Variants in PRTFDC1 observed in about 807,000 individuals in gnomAD.
PRTFDC1 encodes the protein phosphoribosyltransferase domain-containing protein 1.
In PRTFDC1, 38 loss-of-function variants were observed where a neutral mutation model predicts 34.6. That is an observed-to-expected ratio of 1.10 (90% CI 0.85 to 1.44). PRTFDC1 has a LOEUF of 1.44. Ranked by LOEUF, PRTFDC1 falls within the 40% of genes most tolerant of loss-of-function variation. PRTFDC1 has a pLI of 0.00. For missense variants in PRTFDC1, 270 were observed against 283.0 expected, an observed-to-expected ratio of 0.95 and a Z score of 0.33; for synonymous variants, 93 against 98.1, an observed-to-expected ratio of 0.95 and a Z score of 0.31.
intron 4 of PRTFDC1, among the ~76,000 whole-genome samples, chr10:24,859,536 A>G (rs896025111): frequency 2.0e-5 from 3 of 152,236 alleles, no homozygotes; most frequent in Non-Finnish European, 4.4e-5. Flanking sequence ...ACGAGCCGCC[A>G]CACCCAGCCA....
At chr10:24,854,214 T>C (rs1374652476) in intron 7 of PRTFDC1, among the ~76,000 whole-genome samples, 1 of 152,240 alleles carries the variant, frequency 6.6e-6, no homozygotes, top group Non-Finnish European at 1.5e-5. Flanking sequence ...TAAAATCTTA[T>C]TTATACACTG....
At chr10:24,870,501 C>G (rs1847852753) in intron 4 of PRTFDC1, among the ~76,000 whole-genome samples, 2 of 152,172 alleles carry the variant, frequency 1.3e-5, no homozygotes, top group South Asian at 4.1e-4. Context: ...TAAACTATTT[C>G]TTTTGTGTAA....
At chr10:24,882,181 T>TGGGTGACA (rs1316158438) in intron 3 of PRTFDC1, among the ~76,000 whole-genome samples, 1 of 125,444 alleles carries the variant, frequency 8.0e-6, no homozygotes, top group Non-Finnish European at 1.6e-5. Flanking sequence ...CACTCCAGCC[T>TGGGTGACA]GGGTGACAGA....
At chr10:24,908,751 G>A (rs964993204) in intron 3 of PRTFDC1, 8 of 1,499,380 alleles carry the variant, frequency 5.3e-6, no homozygotes, top group East Asian at 2.5e-5. Context: ...AGCCCGATCA[G>A]CCTGATCAAC....
intron 3 of PRTFDC1, among the ~76,000 whole-genome samples, chr10:24,934,724 A>C (rs911848805): frequency 6.6e-6 from 1 of 152,198 alleles, no homozygotes; most frequent in Non-Finnish European, 1.5e-5. Flanking sequence ...TACACTGTAC[A>C]TGTATTCATT....
Position 24,872,788 on chromosome 10 carries a change from G to GTGTATATATA in PRTFDC1, c.340-726_340-725insTATATATACA, listed in dbSNP as rs1200742472. 1.3e-3 allele frequency among the ~76,000 whole-genome samples: 112 copies of GTGTATATATA among 83,200 alleles called. 3 individuals carry two copies. The highest frequency in any genetic ancestry group is 9.0e-3 in the East Asian group (26 of 2,896). 54.6% of individuals were successfully genotyped at this position (83,200 alleles called of 152,430 possible). ...TGTGTATATATATATGTGTGTGTGT[G>GTGTATATATA]TATATATATATATATATATTTTTTT... On this transcript the variant is annotated intron_variant, in intron 3 of 8. Coordinates refer to ENST00000320152, the MANE Select transcript of PRTFDC1 (RefSeq NM_020200.7).
chr10:24,920,865 C>G (rs1009655653), intron 3 of PRTFDC1, among the ~76,000 whole-genome samples: 1 of 151,942 alleles, frequency 6.6e-6, no homozygotes, highest in African/African-American at 2.4e-5. Context: ...ACATGGAATT[C>G]CATAATGGTT....
chr10:24,864,830 T>A (rs1239467154), intron 4 of PRTFDC1, among the ~76,000 whole-genome samples: 5 of 152,110 alleles, frequency 3.3e-5, no homozygotes, highest in Non-Finnish European at 7.4e-5. Flanking sequence ...ATATATAACA[T>A]GGAGGCTGGG....
At chr10:24,861,227 G>T (rs775877710) in intron 4 of PRTFDC1, among the ~76,000 whole-genome samples, 3 of 152,094 alleles carry the variant, frequency 2.0e-5, no homozygotes, top group African/African-American at 7.2e-5. Flanking sequence ...GAGGCCAGGC[G>T]CCGTGGCTCA....
chr10:24,902,389 C>G (rs1848464701), intron 3 of PRTFDC1, among the ~76,000 whole-genome samples: 1 of 152,156 alleles, frequency 6.6e-6, no homozygotes, highest in Non-Finnish European at 1.5e-5. Context: ...ACCTTCAGTA[C>G]AGTTGATCAT....
At chr10:24,902,821 G>T (rs1331779293) in intron 3 of PRTFDC1, among the ~76,000 whole-genome samples, 3 of 152,040 alleles carry the variant, frequency 2.0e-5, no homozygotes, top group African/African-American at 2.4e-5. Context: ...TTATTCTTTT[G>T]TCAAATATCT....
chr10:24,882,215 A>AAAAAAGAAAAG (rs533339656), intron 3 of PRTFDC1, among the ~76,000 whole-genome samples: 1 of 147,034 alleles, frequency 6.8e-6, no homozygotes, highest in Non-Finnish European at 1.5e-5. Context: ...AAAAAAAAAA[A>AAAAAAGAAAAG]AAAAGAAAAG....
At chr10:24,855,394 AC>A in intron 6 of PRTFDC1, 30 bp from the exon 7 acceptor site, 1 of 1,610,894 alleles carries the variant, frequency 6.2e-7, no homozygotes, top group Non-Finnish European at 8.5e-7. Flanking sequence ...GCTTTAGTGA[AC>A]CCAATCAAAT....
intron 4 of PRTFDC1, among the ~76,000 whole-genome samples, chr10:24,861,171 TA>T (rs1451972616): frequency 7.2e-5 from 11 of 152,170 alleles, no homozygotes; most frequent in Non-Finnish European, 1.5e-4. Flanking sequence ...ATTATTCAAA[TA>T]CATCTTCAAA....
intron 3 of PRTFDC1, among the ~76,000 whole-genome samples, chr10:24,911,747 G>T (rs1287904605): frequency 6.6e-6 from 1 of 151,844 alleles, no homozygotes; most frequent in Non-Finnish European, 1.5e-5. Context: ...CATGCTTGTG[G>T]TCCCAGCTAT....
At chr10:24,858,541 G>T in intron 4 of PRTFDC1, 132 bp from the exon 5 acceptor site, 1 of 854,414 alleles carries the variant, frequency 1.2e-6, no homozygotes, top group Non-Finnish European at 1.9e-6. Context: ...CTAATTCAAA[G>T]GACTAGAGGT....
intron 3 of PRTFDC1, among the ~76,000 whole-genome samples, chr10:24,924,470 T>C (rs1407018454): frequency 6.6e-6 from 1 of 151,990 alleles, no homozygotes; most frequent in African/African-American, 2.4e-5. Flanking sequence ...AATAGACAAA[T>C]GGGATCTAAT....
intron 3 of PRTFDC1, among the ~76,000 whole-genome samples, chr10:24,906,503 G>A (rs1848538229): frequency 6.6e-6 from 1 of 152,162 alleles, no homozygotes; most frequent in East Asian, 1.9e-4. Flanking sequence ...CACAGAGGGA[G>A]TATGCTGATA....
At chr10:24,878,345 G>A (rs1202385349) in intron 3 of PRTFDC1, among the ~76,000 whole-genome samples, 1 of 152,054 alleles carries the variant, frequency 6.6e-6, no homozygotes, top group Non-Finnish European at 1.5e-5. Flanking sequence ...TCCTAGATTC[G>A]CCTGACTGCA....
Sources: allele counts gnomAD v4.1 joint callset (sites outside exome capture counted in the v4.1 genomes callset), GRCh38; gene constraint gnomAD v4.1.1; transcripts MANE v1.5; gene names NCBI Gene and HGNC (gene_info 2026-07-23, HGNC 2026-07-21).